The following DIP2B variants were observed in gnomAD, a reference collection of about 807,000 sequenced individuals.
The protein encoded by DIP2B is disco-interacting protein 2 homolog B.
DIP2B carries 76 observed loss-of-function variants against 198.0 expected under a neutral mutation model. The observed-to-expected ratio is 0.38, with a 90% confidence interval of 0.32 to 0.46. DIP2B has a LOEUF of 0.46. Among genes scored for constraint, DIP2B ranks in the 20% least tolerant of loss-of-function variants. DIP2B has a pLI of 0.99. For missense variants in DIP2B, 1,559 were observed against 1,978.4 expected, an observed-to-expected ratio of 0.79 and a Z score of 4.02; for synonymous variants, 701 against 739.1, an observed-to-expected ratio of 0.95 and a Z score of 0.84.
chr12:50,733,225 CTCTATAT>C (rs1289861079), intron 32 of DIP2B, among the ~76,000 whole-genome samples: 2 of 146,016 alleles, frequency 1.4e-5, no homozygotes, highest in Non-Finnish European at 3.0e-5. Context: ...GTTTTTCTGT[CTCTATAT>C]TCTATACCAT....
At chr12:50,742,422 A>AAAAAAAAAAAC (rs1940267135) in intron 37 of DIP2B, among the ~76,000 whole-genome samples, 2 of 79,180 alleles carry the variant, frequency 2.5e-5, no homozygotes, top group African/African-American at 3.7e-5. Flanking sequence ...AAAAAAAAAA[A>AAAAAAAAAAAC]CCACCTCTGT....
intron 19 of DIP2B, among the ~76,000 whole-genome samples, chr12:50,703,469 T>C (rs1311523809): frequency 6.6e-6 from 1 of 152,182 alleles, no homozygotes; most frequent in Non-Finnish European, 1.5e-5. Context: ...GCAATATTCA[T>C]TAAAGCACCT....
intron 3 of DIP2B, among the ~76,000 whole-genome samples, chr12:50,653,347 T>TTTTTTTTTTTTTTTTTTTTTTTTC (rs1938494779): frequency 2.5e-5 from 1 of 39,276 alleles, no homozygotes; most frequent in African/African-American, 1.8e-4. Flanking sequence ...TTTTCTTTTC[T>TTTTTTTTTTTTTTTTTTTTTTTTC]TTTTTTTTTT....
chr12:50,725,331 T>C (rs1413220743), intron 28 of DIP2B, among the ~76,000 whole-genome samples: 1 of 152,188 alleles, frequency 6.6e-6, no homozygotes, highest in Non-Finnish European at 1.5e-5. Context: ...TTTCCTAAGC[T>C]ACTGCCTACC....
chr12:50,719,077 T>C (rs374534702), intron 25 of DIP2B, 42 bp downstream of exon 25: 164 of 1,593,358 alleles, frequency 1.0e-4, no homozygotes, highest in Non-Finnish European at 1.3e-4. Flanking sequence ...CTGACTACTA[T>C]AGGACCATCT....
chr12:50,606,364 C>T lies in DIP2B; in HGVS notation c.101-19612C>T, dbSNP rs563684703. Reference sequence around the variant, plus strand: ...TGGAACTCCTGGACCTCAATTAGTCCTCCTACCTTGACTTCCCAAAGTGCT... The same window carrying T: ...TGGAACTCCTGGACCTCAATTAGTCTTCCTACCTTGACTTCCCAAAGTGCT... On this transcript the variant is annotated intron_variant, in intron 1 of 37. Transcript: ENST00000301180. Among the ~76,000 whole-genome samples, 3 of 152,212 alleles carry T rather than the reference C, an allele frequency of 2.0e-5. No homozygotes were observed. The East Asian group carries it at 5.8e-4, about 29-fold the overall frequency.
chr12:50,630,663 C>CTTTTTT lies in DIP2B; in HGVS notation c.172+4636_172+4641dup, dbSNP rs11327858. 4.5e-3 allele frequency among the ~76,000 whole-genome samples: 334 copies of CTTTTTT among 74,618 alleles called. 1 individual carries two copies. Among genetic ancestry groups the CTTTTTT allele is most frequent in the East Asian group, 0.02 (54 of 2,674 alleles). 49.0% of individuals were successfully genotyped at this position (74,618 alleles called of 152,430 possible). A position where few individuals can be genotyped will look rare whatever the true frequency, so the allele number is the denominator to read the frequency against. On this transcript the variant is annotated intron_variant, in intron 2 of 37. Coordinates refer to ENST00000301180, the MANE Select transcript of DIP2B (RefSeq NM_173602.3). ...TTGATCACCACGAATTCTTTCTTTTCTTTTTTTTTTTTTTTTTTTTTTTTT... is the reference window on the plus strand; with the variant it reads ...TTGATCACCACGAATTCTTTCTTTTCTTTTTTTTTTTTTTTTTTTTTTTTTTTTTTT...
chr12:50,621,733 CTT>C (rs1565847846), intron 1 of DIP2B, among the ~76,000 whole-genome samples: 2 of 152,144 alleles, frequency 1.3e-5, no homozygotes, highest in East Asian at 3.8e-4. Context: ...AGAGGGGTGA[CTT>C]TTGAGCACAG....
At chr12:50,543,943 AAG>A (rs1491023705) in intron 1 of DIP2B, among the ~76,000 whole-genome samples, 1 of 148,636 alleles carries the variant, frequency 6.7e-6, no homozygotes, top group South Asian at 2.2e-4. Flanking sequence ...AAAAAAAAAA[AAG>A]GAGGCTGGGC....
chr12:50,677,488 G>T lies in DIP2B; in HGVS notation c.917-1191G>T, dbSNP rs546734672. ...AAATTAGCCAGGCGTGGTGGCGGGC[G>T]CCTATAATCCCAGCTACTCAGGAGG... On this transcript the variant is annotated intron_variant, in intron 7 of 37. Coordinates refer to ENST00000301180, the MANE Select transcript of DIP2B (RefSeq NM_173602.3). Among the ~76,000 whole-genome samples, 183 of 151,984 alleles carry T rather than the reference G, an allele frequency of 1.2e-3. 1 individual carries two copies. Among genetic ancestry groups the T allele is most frequent in the African/African-American group, 4.2e-3 (174 of 41,418 alleles).
At position 50,733,186 on chromosome 12, in the gene DIP2B, A is replaced by G. The variant is rs1382145433; in HGVS notation, c.3981+650A>G. 2.6e-5 allele frequency among the ~76,000 whole-genome samples: 4 copies of G among 150,992 alleles called. No homozygotes were observed. The South Asian group carries it at 6.3e-4, about 24-fold the overall frequency. ...CTCCCAAAGTGCTGGGATTACAGAC[A>G]TGAGCCACCGCGCCCGGTCTGACCT... On this transcript the variant is annotated intron_variant, in intron 32 of 37. Coordinates refer to ENST00000301180, the MANE Select transcript of DIP2B (RefSeq NM_173602.3).
intron 1 of DIP2B, among the ~76,000 whole-genome samples, chr12:50,591,699 G>T (rs779551598): frequency 6.6e-6 from 1 of 151,200 alleles, no homozygotes. Flanking sequence ...GACTAAAGCG[G>T]TCATCCCACC....
intron 1 of DIP2B, among the ~76,000 whole-genome samples, chr12:50,564,193 G>A (rs1958544321): frequency 6.6e-6 from 1 of 152,118 alleles, no homozygotes; most frequent in Non-Finnish European, 1.5e-5. Context: ...TTTAGGGACT[G>A]TGTTGCTGTG....
At chr12:50,566,332 G>T (rs1387392850) in intron 1 of DIP2B, among the ~76,000 whole-genome samples, 2 of 152,130 alleles carry the variant, frequency 1.3e-5, no homozygotes. Context: ...GAGCCACCAT[G>T]CCCAGCCAAT....
At chr12:50,744,487 AGG>A in intron 37 of DIP2B, 98 bp from the exon 38 acceptor site, 1 of 1,522,686 alleles carries the variant, frequency 6.6e-7, no homozygotes, top group Non-Finnish European at 9.0e-7. Context: ...GTTGGGATTG[AGG>A]GGAGAAGGCG....
At chr12:50,522,141 C>T (rs1958126247) in intron 1 of DIP2B, among the ~76,000 whole-genome samples, 1 of 151,882 alleles carries the variant, frequency 6.6e-6, no homozygotes, top group Non-Finnish European at 1.5e-5. Context: ...GCTGGGATTA[C>T]AGGTATGTGC....
chr12:50,736,957 C>T, intron 34 of DIP2B, 79 bp from the exon 35 acceptor site: 1 of 1,399,362 alleles, frequency 7.1e-7, no homozygotes. Flanking sequence ...ACCTCTCCAG[C>T]AGGTAACTAA....
At chr12:50,556,690 A>G (rs1488080514) in intron 1 of DIP2B, among the ~76,000 whole-genome samples, 2 of 150,816 alleles carry the variant, frequency 1.3e-5, no homozygotes, top group East Asian at 3.9e-4. Context: ...CTACAGGCGC[A>G]TGCCACCACA....
chr12:50,521,094 G>GTTTT (rs386376482), intron 1 of DIP2B, among the ~76,000 whole-genome samples: 29 of 94,330 alleles, frequency 3.1e-4, no homozygotes, highest in African/African-American at 3.2e-4. Flanking sequence ...TTCAGCAACA[G>GTTTT]TTTTTTTTTT....
Sources: allele counts gnomAD v4.1 joint callset (sites outside exome capture counted in the v4.1 genomes callset), GRCh38; gene constraint gnomAD v4.1.1; transcripts MANE v1.5; gene names NCBI Gene and HGNC (gene_info 2026-07-23, HGNC 2026-07-21).